The following TMEM230 variants were observed in gnomAD, a reference collection of about 807,000 sequenced individuals.
TMEM230 encodes UPF0414 transmembrane protein C20orf30.
TMEM230 carries 10 observed loss-of-function variants against 15.8 expected under a neutral mutation model. The observed-to-expected ratio is 0.63, with a 90% CI of 0.39 to 1.07. TMEM230 has a LOEUF of 1.07. Among genes scored for constraint, TMEM230 ranks in the 50% least tolerant of loss-of-function variants. The probability of loss-of-function intolerance (pLI) is 0.01; values close to 1 mark genes in which losing one functional copy is unlikely to be tolerated. For missense variants in TMEM230, 165 were observed against 193.3 expected (o/e 0.85, Z 0.87); for synonymous variants, 67 against 76.9 (o/e 0.87, Z 0.68).
At chr20:5,103,389 T>G (rs1204949026) in intron 4 of TMEM230, among the ~76,000 whole-genome samples, 4 of 151,952 alleles carry the variant, frequency 2.6e-5, no homozygotes, top group Non-Finnish European at 5.9e-5. Context: ...GACTGAGCCC[T>G]GAAGATTGAG....
chr20:5,072,686 T>C (rs2088866045), intron 3 of TMEM230, among the ~76,000 whole-genome samples: 1 of 151,496 alleles, frequency 6.6e-6, no homozygotes, highest in Admixed American at 6.6e-5. Context: ...CTGTCTCTAC[T>C]AAAAATACAA....
At position 5,075,488 on chromosome 20, in the gene TMEM230, C is replaced by T. The variant is rs1852716642; in HGVS notation, c.223-6139G>A. Among the ~76,000 whole-genome samples the T allele has an allele frequency of 3.3e-5, 5 of 151,746 alleles. No individual in the cohort carries two copies. In the South Asian group the frequency reaches 1.0e-3, roughly 32 times the overall value. ...CCTATAATCCCAGCACTTTGGGAGG[C>T]TGAGGGTGGATGGATCACCTGAAGT... On this transcript the variant is annotated intron_variant, in intron 3 of 3. Transcript: ENST00000612323.
At chr20:5,102,688 C>CAAAAAAAAAAAAAAAAAAAAAAAAA (rs58106156) in intron 4 of TMEM230, among the ~76,000 whole-genome samples, 1 of 83,018 alleles carries the variant, frequency 1.2e-5, no homozygotes. Flanking sequence ...GACCCTGTCT[C>CAAAAAAAAAAAAAAAAAAAAAAAAA]AAAAAAAAAA....
intron 3 of TMEM230, among the ~76,000 whole-genome samples, chr20:5,078,449 A>C (rs549141281): frequency 6.6e-6 from 1 of 152,288 alleles, no homozygotes; most frequent in African/African-American, 2.4e-5. Flanking sequence ...TTCCTCTAAC[A>C]GGTGTGAAGT....
chr20:5,101,252 A>C (rs1013919131), intron 4 of TMEM230, among the ~76,000 whole-genome samples: 6 of 152,072 alleles, frequency 3.9e-5, no homozygotes, highest in African/African-American at 1.2e-4. Context: ...ATACATTTAA[A>C]CTGTAAGGAT....
intron 3 of TMEM230, among the ~76,000 whole-genome samples, chr20:5,088,976 CTA>C (rs1240248366): frequency 2.0e-5 from 3 of 152,186 alleles, no homozygotes; most frequent in Admixed American, 6.5e-5. Context: ...TGATAAGTGA[CTA>C]TTTTATGTTG....
At chr20:5,092,012 T>C (rs984739695) in intron 3 of TMEM230, among the ~76,000 whole-genome samples, 2 of 152,340 alleles carry the variant, frequency 1.3e-5, no homozygotes, top group African/African-American at 4.8e-5. Flanking sequence ...GTTTCAAGTT[T>C]TGGTGACCTG....
intron 3 of TMEM230, among the ~76,000 whole-genome samples, chr20:5,078,712 G>C (rs2089082057): frequency 6.6e-6 from 1 of 152,190 alleles, no homozygotes; most frequent in African/African-American, 2.4e-5. Context: ...GCCAAGGCAA[G>C]TCATGTGGCG....
chr20:5,059,652 CAG>C, the TMEM230 span, among the ~76,000 whole-genome samples: 1 of 151,806 alleles, frequency 6.6e-6, no homozygotes, highest in Non-Finnish European at 1.5e-5. Context: ...CAGTGTTGCC[CAG>C]GCTGGAGTGC....
chr20:5,081,530 C>T (rs925562448), intron 3 of TMEM230, among the ~76,000 whole-genome samples: 1 of 152,184 alleles, frequency 6.6e-6, no homozygotes, highest in Non-Finnish European at 1.5e-5. Flanking sequence ...AACACTCCCA[C>T]GAAGTAGGCA....
At chr20:5,087,472 A>T (rs1422631948) in intron 3 of TMEM230, among the ~76,000 whole-genome samples, 1 of 148,574 alleles carries the variant, frequency 6.7e-6, no homozygotes, top group Admixed American at 6.7e-5. Flanking sequence ...AAGGTAGGGG[A>T]TGGGAGTAAG....
At chr20:5,106,115 A>ACACG (rs2090076935) in intron 4 of TMEM230, 73 bp downstream of exon 3, 3 of 1,506,284 alleles carry the variant, frequency 2.0e-6, no homozygotes, top group Non-Finnish European at 2.7e-6. Flanking sequence ...ACACACACAC[A>ACACG]CACACGCACA....
chr20:5,060,043 A>C, the TMEM230 span, among the ~76,000 whole-genome samples: 20 of 152,052 alleles, frequency 1.3e-4, no homozygotes, highest in Non-Finnish European at 7.4e-5. Flanking sequence ...AAGTGCTGGG[A>C]TTACAGGCAT....
At chr20:5,107,163 G>C (rs140806834) in intron 3 of TMEM230, among the ~76,000 whole-genome samples, 1 of 152,166 alleles carries the variant, frequency 6.6e-6, no homozygotes, top group Admixed American at 6.5e-5. Flanking sequence ...TTAGCCGGGC[G>C]TGGTGGCATG....
intron 3 of TMEM230, among the ~76,000 whole-genome samples, chr20:5,090,764 G>A (rs1196508544): frequency 6.6e-6 from 1 of 152,064 alleles, no homozygotes; most frequent in Non-Finnish European, 1.5e-5. Context: ...TGGACAAATG[G>A]AGGGACTGAA....
At chr20:5,087,696 CTTTTT>C (rs561757286) in intron 3 of TMEM230, among the ~76,000 whole-genome samples, 11 of 99,542 alleles carry the variant, frequency 1.1e-4, no homozygotes, top group African/African-American at 1.5e-4. Context: ...GAAAGTATGG[CTTTTT>C]TTTTTTTTTT....
Position 5,106,218 on chromosome 20 carries a change from G to A in TMEM230, c.381C>T (p.Ser127=). 2 of 1,613,776 alleles carry A rather than the reference G, an allele frequency of 1.2e-6. No individual in the cohort carries two copies. The highest frequency in any genetic ancestry group is 1.7e-6 in the Non-Finnish European group (2 of 1,179,876). ...TGCTGATGTAGCCTGACAGCAGGAG[G>A]GAGCCTATAATAATGAGAAAGGCGC... is the stretch of plus-strand genomic sequence containing the variant. The change falls in exon 4 of 5, where the codon TCC becomes TCT. Residue 127 remains serine (S), a synonymous_variant. Coordinates refer to ENST00000342308, the MANE Select transcript of TMEM230 (RefSeq NM_001009923.2).
intron 3 of TMEM230, among the ~76,000 whole-genome samples, chr20:5,093,304 G>A (rs1206610561): frequency 2.6e-5 from 4 of 152,202 alleles, no homozygotes; most frequent in African/African-American, 9.6e-5. Flanking sequence ...CTGGAGTGCA[G>A]TGGTGCAATT....
At chr20:5,106,113 A>ACG (rs2090076461) in intron 4 of TMEM230, 75 bp downstream of exon 3, 5 of 1,521,452 alleles carry the variant, frequency 3.3e-6, no homozygotes, top group Non-Finnish European at 4.4e-6. Context: ...ACACACACAC[A>ACG]CACACACGCA....
Sources: allele counts gnomAD v4.1 joint callset (sites outside exome capture counted in the v4.1 genomes callset), GRCh38; gene constraint gnomAD v4.1.1; transcripts MANE v1.5; gene names NCBI Gene and HGNC (gene_info 2026-07-23, HGNC 2026-07-21).